TDP1: variants seen among roughly 807,000 people sequenced by gnomAD.
The protein encoded by TDP1 is tyrosyl-DNA phosphodiesterase 1.
Under a neutral mutation model 81.5 loss-of-function variants are expected in TDP1, and 64 were observed. The ratio of observed to expected loss-of-function variants is 0.79; its 90% CI spans 0.64 to 0.97. TDP1 has a LOEUF of 0.97. Ranked by LOEUF, TDP1 falls within the 50% of genes least tolerant of loss-of-function variation. The pLI is 0.00. For missense variants in TDP1, 723 were observed against 743.8 expected (o/e 0.97, Z 0.33); for synonymous variants, 256 against 264.3 (o/e 0.97, Z 0.30).
Position 89,966,196 on chromosome 14 carries a change from T to C in TDP1, c.603+6T>C, listed in dbSNP as rs753270584. 7 of 1,592,420 alleles carry C rather than the reference T, an allele frequency of 4.4e-6. No individual in the cohort carries two copies. In the East Asian group the frequency reaches 1.3e-4, roughly 30 times the overall value. On this transcript the variant is annotated splice_donor_region_variant and intron_variant, in intron 4 of 16. Coordinates refer to ENST00000335725, the MANE Select transcript of TDP1 (RefSeq NM_018319.4). ...CGCTTGTTTCTTCAGCTCAGGTGAG[T>C]ATACCTTTAAGCTGTTTTTTCTTTG... is the stretch of plus-strand genomic sequence containing the variant.
At chr14:89,971,667 G>T (rs575201781) in intron 6 of TDP1, among the ~76,000 whole-genome samples, 1 of 152,240 alleles carries the variant, frequency 6.6e-6, no homozygotes, top group South Asian at 2.1e-4. Context: ...ACTCAATGTA[G>T]TATGGATTCT....
intron 11 of TDP1, chr14:89,989,354 C>T: frequency 1.0e-6 from 1 of 985,332 alleles, no homozygotes; most frequent in Non-Finnish European, 1.2e-6. Context: ...TGTGATTTTT[C>T]TATCCTTTCT....
In TDP1 at chr14:89,985,483, A is replaced by G. The variant is rs1054017433; in HGVS notation, c.1131+273A>G. 3.3e-5 allele frequency among the ~76,000 whole-genome samples: 5 copies of G among 152,320 alleles called. No homozygotes were observed. The East Asian group carries it at 5.8e-4, about 18-fold the overall frequency. On this transcript the variant is annotated intron_variant, in intron 10 of 16. Coordinates refer to ENST00000335725, the MANE Select transcript of TDP1 (RefSeq NM_018319.4). ...AGATAGAGGCTTCCTATTCATACAC[A>G]TACTGTAGCTTTGATTATAGCTTTT...
intron 15 of TDP1, among the ~76,000 whole-genome samples, chr14:90,023,523 T>C (rs1212609766): frequency 6.6e-6 from 1 of 151,536 alleles, no homozygotes; most frequent in East Asian, 1.9e-4. Flanking sequence ...TTACAAAATA[T>C]AATTCTGAAA....
chr14:90,020,075 T>C (rs1885791157), intron 15 of TDP1, among the ~76,000 whole-genome samples: 1 of 152,164 alleles, frequency 6.6e-6, no homozygotes, highest in Non-Finnish European at 1.5e-5. Context: ...GTCTCCTAGC[T>C]CTGGAGCCAC....
At chr14:90,015,768 ATAAT>A (rs1885239521) in intron 14 of TDP1, among the ~76,000 whole-genome samples, 1 of 152,172 alleles carries the variant, frequency 6.6e-6, no homozygotes, top group African/African-American at 2.4e-5. Context: ...TCCTCATGAC[ATAAT>A]TAACCCAAAG....
At chr14:89,956,517 G>C (rs1246796312) in intron 1 of TDP1, 61 bp from the exon 2 acceptor site, 3 of 152,414 alleles carry the variant, frequency 2.0e-5, no homozygotes, top group African/African-American at 7.2e-5. Flanking sequence ...AATCTGCTCC[G>C]TCCCCAACGC....
intron 15 of TDP1, among the ~76,000 whole-genome samples, chr14:90,022,447 G>A (rs2140279853): frequency 6.6e-6 from 1 of 152,330 alleles, no homozygotes; most frequent in South Asian, 2.1e-4. Flanking sequence ...CAGCCCAGGT[G>A]CTGGCCAGTC....
At chr14:89,981,635 A>T (rs918440465) in intron 8 of TDP1, 5 of 345,024 alleles carry the variant, frequency 1.4e-5, no homozygotes, top group Non-Finnish European at 2.8e-5. Flanking sequence ...TAGAACTCCT[A>T]ATTTGGAGTG....
At chr14:90,032,855 C>A (rs932898310) in intron 15 of TDP1, 1 of 984,608 alleles carries the variant, frequency 1.0e-6, no homozygotes, top group African/African-American at 1.7e-5. Context: ...TCTTTGTATC[C>A]TTTGAAAACT....
chr14:89,975,918 C>T, intron 7 of TDP1, 103 bp downstream of exon 7: 2 of 897,654 alleles, frequency 2.2e-6, no homozygotes, highest in South Asian at 2.6e-5. Context: ...CACCTAGGAT[C>T]TAGCACAGCG....
rs565000617 is a variant in TDP1 at position 89,973,925 on chromosome 14, A to T, written c.757-1856A>T. ...CACGGTGTCCTCATGAGGGAGAGGG[A>T]GGAAGACAGACACATAGGCTGTCTG... On this transcript the variant is annotated intron_variant, in intron 6 of 16. Transcript: ENST00000335725. Among the ~76,000 whole-genome samples the T allele has an allele frequency of 4.6e-5, 7 of 152,200 alleles. No homozygotes were observed. The South Asian group carries it at 1.5e-3, about 32-fold the overall frequency.
At chr14:89,993,532 A>G in intron 14 of TDP1, 49 bp downstream of exon 14, 1 of 1,599,618 alleles carries the variant, frequency 6.3e-7, no homozygotes, top group East Asian at 2.3e-5. Context: ...TAATGTGTTC[A>G]TAATTCTTGC....
At position 89,963,362 on chromosome 14, in the gene TDP1, A is replaced by G. The variant is rs781696639; in HGVS notation, c.248A>G (p.Glu83Gly). The G allele has an allele frequency of 3.1e-6, 5 of 1,614,206 alleles. No homozygotes were observed. In the Admixed American group the frequency reaches 5.0e-5, roughly 16 times the overall value. Residue 83 changes from glutamate (E) to glycine (G), a missense_variant, in exon 3 of 17, where the codon GAG becomes GGG. Coordinates refer to ENST00000335725, the MANE Select transcript of TDP1 (RefSeq NM_018319.4). Reference protein sequence around the residue: ...PPKRQKSGSQEDLGWCLSSSD... With the variant: ...PPKRQKSGSQGDLGWCLSSSD... ...AAAAGGCAGAAAAGCGGTTCCCAGG[A>G]GGACCTCGGCTGGTGTCTGTCCAGC...
At chr14:89,995,081 T>C (rs932190003) in intron 14 of TDP1, among the ~76,000 whole-genome samples, 1 of 152,248 alleles carries the variant, frequency 6.6e-6, no homozygotes, top group Non-Finnish European at 1.5e-5. Context: ...ATTATAGTTA[T>C]TTGAAGTTTA....
intron 13 of TDP1, among the ~76,000 whole-genome samples, chr14:89,992,580 A>G (rs1445702876): frequency 3.3e-5 from 5 of 152,248 alleles, no homozygotes; most frequent in African/African-American, 1.2e-4. Context: ...TTTGAATTAT[A>G]GCTTTCAACT....
intron 9 of TDP1, 182 bp from the exon 10 acceptor site, chr14:89,984,950 C>G (rs1014882044): frequency 4.1e-6 from 4 of 967,758 alleles, no homozygotes; most frequent in African/African-American, 1.8e-5. Context: ...TACTTTACAT[C>G]TTGTAGGCAT....
intron 14 of TDP1, among the ~76,000 whole-genome samples, chr14:90,007,001 T>G (rs1398344895): frequency 6.6e-6 from 1 of 152,188 alleles, no homozygotes; most frequent in African/African-American, 2.4e-5. Flanking sequence ...TCCTCTTTAT[T>G]ATTCACCAAT....
At chr14:90,011,718 A>G (rs376537805) in intron 14 of TDP1, among the ~76,000 whole-genome samples, 3 of 152,312 alleles carry the variant, frequency 2.0e-5, no homozygotes, top group African/African-American at 7.2e-5. Flanking sequence ...CTAAGCAGCA[A>G]AGTGTTTGAG....
Sources: gnomAD v4.1 joint callset for allele counts (sites outside exome capture counted in the v4.1 genomes callset) on GRCh38, gnomAD v4.1.1 for gene constraint, MANE v1.5 for transcripts, NCBI Gene and HGNC (gene_info 2026-07-23, HGNC 2026-07-21) for gene names.